Variants in NRXN3 observed in about 807,000 individuals in gnomAD.
NRXN3 encodes neurexin 3.
NRXN3 carries 32 observed loss-of-function variants against 137.6 expected under a neutral mutation model. The ratio of observed to expected loss-of-function variants is 0.23; its 90% CI spans 0.18 to 0.31. The LOEUF (loss-of-function observed/expected upper bound fraction) is 0.31. Among genes scored for constraint, NRXN3 ranks in the 10% least tolerant of loss-of-function variants. NRXN3 has a pLI of 1.00. For synonymous variants in NRXN3, 798 were observed against 784.5 expected (o/e 1.02, Z -0.29); for missense variants, 1,574 against 2,062.5 (o/e 0.76, Z 4.59).
chr14:78,620,727 G>A (rs543824655), intron 4 of NRXN3, among the ~76,000 whole-genome samples: 166 of 152,282 alleles, frequency 1.1e-3, no homozygotes, highest in Non-Finnish European at 1.9e-3. Context: ...CTCTGATCTG[G>A]CATGCTTTCC....
At chr14:78,856,139 A>C (rs1052949138) in intron 10 of NRXN3, among the ~76,000 whole-genome samples, 3 of 152,328 alleles carry the variant, frequency 2.0e-5, no homozygotes, top group Admixed American at 1.3e-4. Context: ...GTATGCCTAC[A>C]GGCATTCCAC....
At chr14:79,132,580 A>G (rs779172814) in intron 15 of NRXN3, among the ~76,000 whole-genome samples, 4 of 152,200 alleles carry the variant, frequency 2.6e-5, no homozygotes, top group Non-Finnish European at 5.9e-5. Context: ...TTTGCTTTGC[A>G]TTATATTCCT....
chr14:79,517,096 C>CCA (rs1555499658), intron 16 of NRXN3, among the ~76,000 whole-genome samples: 1 of 135,338 alleles, frequency 7.4e-6, no homozygotes, highest in East Asian at 2.1e-4. Flanking sequence ...TGTACAGCCC[C>CCA]CCCCCCCTCA....
intron 15 of NRXN3, among the ~76,000 whole-genome samples, chr14:79,438,140 C>G (rs4903858): frequency 9.9e-5 from 15 of 152,154 alleles, no homozygotes; most frequent in Non-Finnish European, 1.8e-4. Context: ...CTCCTGGGAT[C>G]GGGCTGCTGC....
intron 10 of NRXN3, among the ~76,000 whole-genome samples, chr14:78,928,672 T>A (rs1242480340): frequency 1.3e-5 from 2 of 152,208 alleles, no homozygotes; most frequent in Non-Finnish European, 2.9e-5. Flanking sequence ...GGTGTTTGTG[T>A]GCCACATTTT....
In NRXN3 at chr14:78,958,577, C is replaced by A. The variant is rs144005658; in HGVS notation, c.2395+1216C>A. On this transcript the variant is annotated intron_variant, in intron 11 of 20. Transcript: ENST00000335750. Reference sequence around the variant, plus strand: ...TCACCGTGTTAGCCAGGATGGTCTCCATCTCCTGACCTCCTGATCCACCCG... The same window carrying A: ...TCACCGTGTTAGCCAGGATGGTCTCAATCTCCTGACCTCCTGATCCACCCG... Among the ~76,000 whole-genome samples, 147 of 152,144 alleles carry A rather than the reference C, an allele frequency of 9.7e-4. 4 individuals carry two copies. The South Asian group carries it at 0.029, about 30-fold the overall frequency.
intron 6 of NRXN3, among the ~76,000 whole-genome samples, chr14:78,690,374 A>T (rs150934416): frequency 6.6e-6 from 1 of 152,342 alleles, no homozygotes; most frequent in Non-Finnish European, 1.5e-5. Context: ...TGAGAGACTT[A>T]ATCCAGATTC....
chr14:79,624,797 TTTTTTGTTTGTTTTTG>T lies in NRXN3; in HGVS notation c.3445-38975_3445-38960del, dbSNP rs1416682507. 2.1e-4 allele frequency among the ~76,000 whole-genome samples: 28 copies of T among 131,576 alleles called. 2 individuals carry two copies. Among genetic ancestry groups the T allele is most frequent in the African/African-American group, 9.8e-4 (27 of 27,542 alleles). 86.3% of individuals were successfully genotyped at this position (131,576 alleles called of 152,430 possible). ...CACTCTCTCTTTCTTTCCCGTTTTTTTTTTTGTTTGTTTTTGTTTTTTTTTAAACAAGATCTCACAC... is the reference window on the plus strand; with the variant it reads ...CACTCTCTCTTTCTTTCCCGTTTTTTTTTTTTTTTAAACAAGATCTCACAC... On this transcript the variant is annotated intron_variant, in intron 16 of 20. Coordinates refer to ENST00000335750, the MANE Select transcript of NRXN3 (RefSeq NM_001330195.2).
chr14:78,430,604 A>G (rs562305278), intron 4 of NRXN3, among the ~76,000 whole-genome samples: 1 of 152,332 alleles, frequency 6.6e-6, no homozygotes, highest in African/African-American at 2.4e-5. Flanking sequence ...CAATGGGACC[A>G]TCAGGGACCC....
At chr14:79,683,651 C>G (rs992985707) in intron 17 of NRXN3, among the ~76,000 whole-genome samples, 1 of 152,130 alleles carries the variant, frequency 6.6e-6, no homozygotes, top group Non-Finnish European at 1.5e-5. Context: ...CTTAAGGTGT[C>G]TGATGAGTTG....
intron 16 of NRXN3, among the ~76,000 whole-genome samples, chr14:79,657,508 G>A (rs942751008): frequency 3.9e-5 from 6 of 152,072 alleles, no homozygotes; most frequent in Non-Finnish European, 7.4e-5. Context: ...GGAGAGACCT[G>A]GTCTCTTACC....
At chr14:79,021,266 G>C (rs1196819453) in intron 15 of NRXN3, among the ~76,000 whole-genome samples, 6 of 152,124 alleles carry the variant, frequency 3.9e-5, no homozygotes, top group Admixed American at 3.9e-4. Flanking sequence ...TGAGGTTGCA[G>C]GTGCGGGTCT....
intron 15 of NRXN3, among the ~76,000 whole-genome samples, chr14:79,253,004 G>A (rs2076133895): frequency 6.6e-6 from 1 of 152,096 alleles, no homozygotes; most frequent in Admixed American, 6.5e-5. Flanking sequence ...GAGAAAATGG[G>A]GTTCTTCATG....
intron 19 of NRXN3, among the ~76,000 whole-genome samples, chr14:79,700,157 C>T (rs1422909413): frequency 1.3e-5 from 2 of 152,072 alleles, no homozygotes; most frequent in African/African-American, 2.4e-5. Context: ...GACCCAACAA[C>T]TATTGGATTC....
chr14:78,894,611 C>T (rs1001039014), intron 10 of NRXN3, among the ~76,000 whole-genome samples: 4 of 151,914 alleles, frequency 2.6e-5, no homozygotes, highest in Admixed American at 2.0e-4. Flanking sequence ...CCATGAATCA[C>T]GAATGTTCTT....
chr14:79,831,159 G>GA (rs2099322075), intron 20 of NRXN3, among the ~76,000 whole-genome samples: 2 of 152,104 alleles, frequency 1.3e-5, no homozygotes, highest in African/African-American at 4.8e-5. Flanking sequence ...AGAATTTTAA[G>GA]AAAAACGCTT....
intron 15 of NRXN3, among the ~76,000 whole-genome samples, chr14:79,126,762 A>C (rs939299446): frequency 6.6e-6 from 1 of 152,164 alleles, no homozygotes; most frequent in Non-Finnish European, 1.5e-5. Flanking sequence ...TGACTTCCAC[A>C]ATGGTTGAAC....
intron 1 of NRXN3, among the ~76,000 whole-genome samples, chr14:78,189,450 C>A (rs2060516026): frequency 6.6e-6 from 1 of 152,312 alleles, no homozygotes; most frequent in African/African-American, 2.4e-5. Context: ...TGGCACCCAG[C>A]ACCTTCCTGC....
rs1283360367 is a variant in NRXN3 at position 78,415,245 on chromosome 14, C to A, written c.757+117385C>A. 2.6e-5 allele frequency among the ~76,000 whole-genome samples: 4 copies of A among 152,246 alleles called. No homozygotes were observed. In the East Asian group the frequency reaches 7.7e-4, roughly 29 times the overall value. On this transcript the variant is annotated intron_variant, in intron 4 of 20. Transcript: ENST00000335750. ...TATGGATGAGATGACAGCATGTATA[C>A]AAAATGCCTATCATGTAAAAAGCAC... is the stretch of plus-strand genomic sequence containing the variant.
Sources: gnomAD v4.1 joint callset for allele counts (sites outside exome capture counted in the v4.1 genomes callset) on GRCh38, gnomAD v4.1.1 for gene constraint, MANE v1.5 for transcripts, NCBI Gene and HGNC (gene_info 2026-07-23, HGNC 2026-07-21) for gene names.